Variants in HECW2 observed in about 807,000 individuals in gnomAD.
HECW2 encodes HECT, C2 and WW domain containing E3 ubiquitin protein ligase 2.
Under a neutral mutation model 175.2 loss-of-function variants are expected in HECW2, and 61 were observed. The ratio of observed to expected loss-of-function variants is 0.35; its 90% CI spans 0.28 to 0.43. The LOEUF (loss-of-function observed/expected upper bound fraction) is 0.43. Ranked by LOEUF, HECW2 falls within the 20% of genes least tolerant of loss-of-function variation. HECW2 has a pLI of 1.00. For missense variants in HECW2, 1,524 were observed against 2,000.5 expected (o/e 0.76, Z 4.54); for synonymous variants, 671 against 731.0 (o/e 0.92, Z 1.32).
intron 5 of HECW2, among the ~76,000 whole-genome samples, chr2:196,326,803 C>T (rs767636593): frequency 3.3e-5 from 5 of 152,060 alleles, no homozygotes; most frequent in African/African-American, 4.8e-5. Context: ...AAGGAAAAGA[C>T]GGGTAAAGAA....
intron 5 of HECW2, among the ~76,000 whole-genome samples, chr2:196,328,460 A>C (rs4850698): frequency 0.73 from 111,542 of 152,136 alleles, 42,584 homozygotes; most frequent in East Asian, 0.97. Flanking sequence ...GAAAAGGAGA[A>C]ACATGCAAAA....
chr2:196,241,962 A>G, intron 20 of HECW2, 122 bp downstream of exon 20: 1 of 863,976 alleles, frequency 1.2e-6, no homozygotes, highest in Admixed American at 2.3e-5. Flanking sequence ...AAATTCCAAA[A>G]TAATTATGCC....
At chr2:196,589,608 G>T (rs376417528) in intron 1 of HECW2, among the ~76,000 whole-genome samples, 1 of 152,260 alleles carries the variant, frequency 6.6e-6, no homozygotes, top group East Asian at 1.9e-4. Context: ...TATCCTCATG[G>T]CCCTGAGAGC....
intron 2 of HECW2, among the ~76,000 whole-genome samples, chr2:196,415,908 A>C (rs543822440): frequency 1.5e-4 from 23 of 152,374 alleles, no homozygotes; most frequent in Non-Finnish European, 2.1e-4. Context: ...CAAAAGGTTT[A>C]GTAATATGAC....
intron 2 of HECW2, among the ~76,000 whole-genome samples, chr2:196,387,701 G>T (rs890977688): frequency 6.6e-6 from 1 of 152,206 alleles, no homozygotes; most frequent in African/African-American, 2.4e-5. Flanking sequence ...TATATAGAGA[G>T]AGATATATAT....
chr2:196,317,397 G>T (rs1185037410), intron 9 of HECW2, 28 bp from the exon 10 acceptor site: 2 of 1,518,210 alleles, frequency 1.3e-6, no homozygotes, highest in Admixed American at 1.8e-5. Context: ...AAGTTACCAG[G>T]TATTGTTTTC....
intron 3 of HECW2, among the ~76,000 whole-genome samples, chr2:196,340,360 G>T (rs977834819): frequency 4.6e-5 from 7 of 152,038 alleles, no homozygotes; most frequent in Non-Finnish European, 1.0e-4. Flanking sequence ...ACTTCGGGAG[G>T]CCAAGGTGGG....
chr2:196,241,996 C>A (rs763970151), intron 20 of HECW2, 88 bp downstream of exon 20: 148 of 1,283,920 alleles, frequency 1.2e-4, no homozygotes, highest in Non-Finnish European at 1.6e-4. Flanking sequence ...GCTAGTCATC[C>A]CAAATCACAA....
Position 196,379,180 on chromosome 2 carries a change from G to C in HECW2, c.293-35416C>G, listed in dbSNP as rs548337395. ...TGAAAGGAAAAAATGATAGTGAAAA[G>C]AGTCAGATAAAACTAATGCACTCTA... On this transcript the variant is annotated intron_variant, in intron 2 of 28. Coordinates refer to ENST00000644978, the MANE Select transcript of HECW2 (RefSeq NM_001348768.2). Among the ~76,000 whole-genome samples the C allele has an allele frequency of 3.9e-5, 6 of 152,006 alleles. No individual in the cohort carries two copies. In the South Asian group the frequency reaches 1.2e-3, roughly 32 times the overall value.
intron 4 of HECW2, among the ~76,000 whole-genome samples, chr2:196,332,166 C>T (rs1484053226): frequency 6.6e-6 from 1 of 152,054 alleles, no homozygotes. Context: ...ATTAGCATGA[C>T]AGCTCATTTC....
intron 2 of HECW2, among the ~76,000 whole-genome samples, chr2:196,368,973 C>G (rs570820491): frequency 1.3e-5 from 2 of 152,232 alleles, no homozygotes; most frequent in Non-Finnish European, 2.9e-5. Context: ...GGATTGGTCA[C>G]CAGTGTCTTA....
intron 22 of HECW2, among the ~76,000 whole-genome samples, chr2:196,226,138 G>A (rs1482265356): frequency 6.6e-6 from 1 of 152,072 alleles, no homozygotes; most frequent in Non-Finnish European, 1.5e-5. Flanking sequence ...TTGGATCATG[G>A]AGGCTGATCC....
intron 1 of HECW2, among the ~76,000 whole-genome samples, chr2:196,564,813 A>C (rs1341271803): frequency 6.6e-6 from 1 of 152,116 alleles, no homozygotes; most frequent in Non-Finnish European, 1.5e-5. Flanking sequence ...TCTCCATCCT[A>C]TACATTCAAT....
Position 196,228,152 on chromosome 2 carries a change from G to T in HECW2, c.3867C>A (p.Tyr1289Ter). 1 of 1,613,608 alleles carries T rather than the reference G, an allele frequency of 6.2e-7. No homozygotes were observed. Among genetic ancestry groups the T allele is most frequent in the Admixed American group, 1.7e-5 (1 of 59,980 alleles). The change falls in exon 22 of 29, where the codon TAC becomes TAA. Residue 1289 changes from tyrosine to a stop codon, truncating the protein, a stop_gained. Transcript: ENST00000644978. LOFTEE classifies it high-confidence loss of function. ...CAGACATAGGACTTATTTGTACTGT[G>T]TATGTGTCATTGGCTGAATATTCAA... ...GLFEYSANDT[Y>*]TVQISPMSAF...
intron 14 of HECW2, among the ~76,000 whole-genome samples, chr2:196,282,050 T>C (rs530948535): frequency 6.6e-5 from 10 of 152,314 alleles, no homozygotes; most frequent in African/African-American, 2.4e-4. Context: ...CAAATAATAG[T>C]TTTCTTTTCT....
chr2:196,359,552 C>T (rs1429254087), intron 2 of HECW2, among the ~76,000 whole-genome samples: 1 of 152,156 alleles, frequency 6.6e-6, no homozygotes, highest in Non-Finnish European at 1.5e-5. Flanking sequence ...AATTCTAGAA[C>T]CTGTAGGATG....
chr2:196,407,640 G>A (rs1695000220), intron 2 of HECW2, among the ~76,000 whole-genome samples: 1 of 152,168 alleles, frequency 6.6e-6, no homozygotes, highest in South Asian at 2.1e-4. Flanking sequence ...TGGCAGTGCT[G>A]GGACTAAAAC....
chr2:196,205,571 A>G (rs1687037768), intron 28 of HECW2, among the ~76,000 whole-genome samples: 1 of 152,216 alleles, frequency 6.6e-6, no homozygotes, highest in South Asian at 2.1e-4. Context: ...GAAAAATACC[A>G]GGGGATTTTT....
In HECW2 at chr2:196,306,507, G is replaced by A. The variant is rs751635003; in HGVS notation, c.2795C>T (p.Thr932Ile). The change falls in exon 13 of 29, where the codon ACC becomes ATC. Residue 932 changes from threonine to isoleucine, a missense_variant. Transcript: ENST00000644978. ...ACTCACAGGGTTAGAATGCAGCACG[G>A]TGAAGAACTCTGGGCTGATGAGGAA... ...VKFLISPEFF[T>I]VLHSNPSAYR... is the part of the protein sequence containing the mutation. 5.0e-6 allele frequency: 8 copies of A among 1,610,692 alleles called. No individual in the cohort carries two copies. In the African/African-American group the frequency reaches 9.4e-5, roughly 19 times the overall value.
Sources: gnomAD v4.1 joint callset for allele counts (sites outside exome capture counted in the v4.1 genomes callset) on GRCh38, gnomAD v4.1.1 for gene constraint, MANE v1.5 for transcripts, NCBI Gene and HGNC (gene_info 2026-07-23, HGNC 2026-07-21) for gene names.